TAFA1: variants seen among roughly 807,000 people sequenced by gnomAD.
The protein encoded by TAFA1 is chemokine-like protein TAFA-1.
Under a neutral mutation model 18.5 loss-of-function variants are expected in TAFA1, and 4 were observed. The ratio of observed to expected loss-of-function variants is 0.22; its 90% confidence interval spans 0.11 to 0.49. The LOEUF is 0.49. Among genes scored for constraint, TAFA1 ranks in the 20% least tolerant of loss-of-function variants. The probability of loss-of-function intolerance (pLI) is 0.98; values close to 1 mark genes in which losing one functional copy is unlikely to be tolerated. For missense variants in TAFA1, 147 were observed against 169.0 expected, an observed-to-expected ratio of 0.87 and a Z score of 0.72; for synonymous variants, 56 against 55.2, an observed-to-expected ratio of 1.01 and a Z score of -0.06.
chr3:68,491,189 G>T (rs1166620510), intron 3 of TAFA1, among the ~76,000 whole-genome samples: 1 of 152,058 alleles, frequency 6.6e-6, no homozygotes, highest in Non-Finnish European at 1.5e-5. Flanking sequence ...CCATTACTGG[G>T]TATATACCCA....
intron 2 of TAFA1, among the ~76,000 whole-genome samples, chr3:68,272,531 T>C (rs1398951916): frequency 6.6e-6 from 1 of 152,154 alleles, no homozygotes; most frequent in Non-Finnish European, 1.5e-5. Flanking sequence ...AACATAATGA[T>C]TCAATGCAAA....
chr3:68,533,875 T>C (rs1454696054), intron 3 of TAFA1, among the ~76,000 whole-genome samples: 1 of 152,196 alleles, frequency 6.6e-6, no homozygotes, highest in East Asian at 1.9e-4. Flanking sequence ...TTTGTGGTCC[T>C]GAGATTTTAT....
At chr3:67,996,086 G>A in the TAFA1 span, among the ~76,000 whole-genome samples, 1 of 152,178 alleles carries the variant, frequency 6.6e-6, no homozygotes, top group Non-Finnish European at 1.5e-5. Context: ...TCTGGAAAGG[G>A]TTTGGAGTGT....
chr3:68,116,055 G>C (rs938427868), intron 2 of TAFA1, among the ~76,000 whole-genome samples: 1 of 152,116 alleles, frequency 6.6e-6, no homozygotes, highest in Non-Finnish European at 1.5e-5. Context: ...AGGAGAGTGA[G>C]ACCATCCTGG....
At chr3:68,408,519 C>T (rs1360584500) in intron 2 of TAFA1, among the ~76,000 whole-genome samples, 4 of 152,074 alleles carry the variant, frequency 2.6e-5, no homozygotes, top group African/African-American at 4.8e-5. Context: ...AAAAGGTTCC[C>T]GAAAAAGGAT....
At chr3:68,057,963 A>G (rs1363691547) in intron 2 of TAFA1, among the ~76,000 whole-genome samples, 1 of 152,180 alleles carries the variant, frequency 6.6e-6, no homozygotes, top group Non-Finnish European at 1.5e-5. Flanking sequence ...CCTGAAATGC[A>G]TTTCAGACTT....
chr3:67,996,856 T>C, the TAFA1 span, among the ~76,000 whole-genome samples: 9 of 152,084 alleles, frequency 5.9e-5, no homozygotes, highest in Non-Finnish European at 1.3e-4. Flanking sequence ...AAAGGCACTA[T>C]GCTACTTTGC....
chr3:68,377,819 C>T (rs190959682), intron 2 of TAFA1, among the ~76,000 whole-genome samples: 6 of 152,242 alleles, frequency 3.9e-5, no homozygotes, highest in African/African-American at 1.4e-4. Context: ...ATTTTGTGCC[C>T]TGCATCCCAG....
intron 2 of TAFA1, among the ~76,000 whole-genome samples, chr3:68,358,891 C>CCTCAGT (rs3032749): frequency 0.49 from 73,976 of 151,350 alleles, 18,513 homozygotes; most frequent in East Asian, 0.73. Context: ...CTGTTTCCAG[C>CCTCAGT]CTACCTAAGA....
chr3:68,026,524 C>A (rs562525969), intron 2 of TAFA1, among the ~76,000 whole-genome samples: 1 of 152,216 alleles, frequency 6.6e-6, no homozygotes, highest in African/African-American at 2.4e-5. Flanking sequence ...CTGTGCCCTA[C>A]CCTAAGCACT....
intron 2 of TAFA1, among the ~76,000 whole-genome samples, chr3:68,222,943 T>A (rs1307281995): frequency 1.3e-5 from 2 of 152,134 alleles, no homozygotes; most frequent in African/African-American, 4.8e-5. Context: ...AAAGTGCTAG[T>A]GCTGGGATTA....
intron 2 of TAFA1, among the ~76,000 whole-genome samples, chr3:68,054,054 GT>G (rs1319233124): frequency 6.6e-6 from 1 of 152,090 alleles, no homozygotes; most frequent in Non-Finnish European, 1.5e-5. Context: ...GAAATCACAA[GT>G]TTTCTGGACT....
intron 2 of TAFA1, among the ~76,000 whole-genome samples, chr3:68,112,786 G>GA (rs139264877): frequency 6.6e-6 from 1 of 151,322 alleles, no homozygotes; most frequent in East Asian, 1.9e-4. Context: ...AAAATAAACA[G>GA]AAAAAAATGA....
chr3:68,133,321 T>C (rs1351867398), intron 2 of TAFA1, among the ~76,000 whole-genome samples: 8 of 152,180 alleles, frequency 5.3e-5, no homozygotes, highest in Admixed American at 3.9e-4. Context: ...GCTTTGTTCT[T>C]TTTGCTTACA....
intron 2 of TAFA1, among the ~76,000 whole-genome samples, chr3:68,056,420 C>G (rs1575594335): frequency 6.6e-6 from 1 of 152,136 alleles, no homozygotes; most frequent in East Asian, 1.9e-4. Context: ...CCAGGAACAC[C>G]CTCTGTCCTT....
At chr3:68,505,920 G>T (rs1454173847) in intron 3 of TAFA1, among the ~76,000 whole-genome samples, 1 of 151,158 alleles carries the variant, frequency 6.6e-6, no homozygotes, top group Non-Finnish European at 1.5e-5. Context: ...TTAAGTTCTG[G>T]GATACTTGTA....
intron 2 of TAFA1, among the ~76,000 whole-genome samples, chr3:68,189,013 G>A (rs1392572712): frequency 1.3e-5 from 2 of 151,918 alleles, no homozygotes; most frequent in East Asian, 2.0e-4. Flanking sequence ...CCAATTGGTG[G>A]TACACTAACG....
At chr3:68,357,879 A>G (rs262243) in intron 2 of TAFA1, among the ~76,000 whole-genome samples, 74,301 of 151,722 alleles carry the variant, frequency 0.49, 18,672 homozygotes, top group East Asian at 0.73. Context: ...GGATCTTGGA[A>G]ATTGGAGAGA....
At chr3:68,415,818 G>A (rs1677540013) in intron 2 of TAFA1, among the ~76,000 whole-genome samples, 1 of 152,072 alleles carries the variant, frequency 6.6e-6, no homozygotes, top group African/African-American at 2.4e-5. Context: ...TTCAGTAAAT[G>A]ACAGAGCCGA....
Sources: gnomAD v4.1 joint callset for allele counts (sites outside exome capture counted in the v4.1 genomes callset) on GRCh38, gnomAD v4.1.1 for gene constraint, MANE v1.5 for transcripts, NCBI Gene and HGNC (gene_info 2026-07-23, HGNC 2026-07-21) for gene names.